Variants in DPYSL5 observed in about 807,000 individuals in gnomAD.
DPYSL5 encodes the protein dihydropyrimidinase-related protein 5.
DPYSL5 carries 9 observed loss-of-function variants against 58.4 expected under a neutral mutation model. That is an observed-to-expected ratio of 0.15 (90% CI 0.09 to 0.27). The LOEUF (loss-of-function observed/expected upper bound fraction) is 0.27. Ranked by LOEUF, DPYSL5 falls within the 10% of genes least tolerant of loss-of-function variation. DPYSL5 has a pLI of 1.00. For synonymous variants in DPYSL5, 293 were observed against 301.9 expected (o/e 0.97, Z 0.31); for missense variants, 499 against 770.6 (o/e 0.65, Z 4.17).
At chr2:26,932,206 A>AG (rs1665046138) in intron 6 of DPYSL5, among the ~76,000 whole-genome samples, 1 of 55,236 alleles carries the variant, frequency 1.8e-5, no homozygotes, top group Non-Finnish European at 4.2e-5. Flanking sequence ...AAAGAAAGAA[A>AG]GAAAAGAAAG....
Position 26,942,839 on chromosome 2 carries a change from C to T in DPYSL5, c.1440+89C>T. The T allele has an allele frequency of 6.8e-7, 1 of 1,460,936 alleles. No individual in the cohort carries two copies. Among genetic ancestry groups the T allele is most frequent in the Non-Finnish European group, 9.4e-7 (1 of 1,063,566 alleles). The allele number at this position is 1,460,936 out of a possible 1,614,324, so 90.5% of individuals were successfully genotyped here. The stretch of plus-strand genomic sequence containing the variant: ...CTGTTTTAAATCTCAAAGAGATGTT[C>T]ACTCCAGTTTTCGACCCAATTCCAT... On this transcript the variant is annotated intron_variant, in intron 11 of 12. Transcript: ENST00000288699. This position sits in a 1 kb window ranked among gnomAD's most constrained non-coding sequence, Gnocchi z 5.9.
At chr2:26,855,957 C>T (rs935573389) in intron 1 of DPYSL5, among the ~76,000 whole-genome samples, 8 of 152,146 alleles carry the variant, frequency 5.3e-5, no homozygotes, top group African/African-American at 1.2e-4. Context: ...TTCCAGCATA[C>T]GTGAAACACT....
At chr2:26,893,379 CT>C (rs1196313262) in intron 1 of DPYSL5, among the ~76,000 whole-genome samples, 1 of 152,190 alleles carries the variant, frequency 6.6e-6, no homozygotes, top group African/African-American at 2.4e-5. Flanking sequence ...TCCCCAAGGC[CT>C]TTTCATCCTG....
chr2:26,941,774 C>A (rs547995668), intron 9 of DPYSL5, among the ~76,000 whole-genome samples, 176 bp from the exon 10 acceptor site: 1 of 152,326 alleles, frequency 6.6e-6, no homozygotes, highest in Admixed American at 6.5e-5. Context: ...AAGTGAGCAA[C>A]TGGGACCCAG....
intron 6 of DPYSL5, 64 bp downstream of exon 6, chr2:26,931,748 C>A (rs1286487859): frequency 3.2e-6 from 5 of 1,570,040 alleles, no homozygotes; most frequent in Non-Finnish European, 4.4e-6. Flanking sequence ...GTGCTGATGT[C>A]TGTAATCCCA....
At chr2:26,862,518 A>G (rs1666039657) in intron 1 of DPYSL5, among the ~76,000 whole-genome samples, 1 of 152,168 alleles carries the variant, frequency 6.6e-6, no homozygotes, top group Non-Finnish European at 1.5e-5. Flanking sequence ...CCCCCAAGCT[A>G]TGATAATCTC....
chr2:26,916,123 A>G (rs1241996449), intron 2 of DPYSL5, among the ~76,000 whole-genome samples: 1 of 152,100 alleles, frequency 6.6e-6, no homozygotes, highest in Admixed American at 6.6e-5. Flanking sequence ...ACCCAAGCAT[A>G]AAACCTCCCC....
intron 1 of DPYSL5, among the ~76,000 whole-genome samples, chr2:26,887,392 G>A (rs1013902126): frequency 2.6e-5 from 4 of 152,224 alleles, no homozygotes; most frequent in East Asian, 1.9e-4. Flanking sequence ...AGGGGCAGCC[G>A]TGCAGGCCAG....
At chr2:26,858,461 G>C (rs1003571746) in intron 1 of DPYSL5, among the ~76,000 whole-genome samples, 1 of 151,778 alleles carries the variant, frequency 6.6e-6, no homozygotes, top group South Asian at 2.1e-4. Flanking sequence ...GTGAGCCACC[G>C]CACCCAGCCC....
At chr2:26,894,831 C>A (rs559949643) in intron 1 of DPYSL5, among the ~76,000 whole-genome samples, 1 of 152,334 alleles carries the variant, frequency 6.6e-6, no homozygotes, top group South Asian at 2.1e-4. Flanking sequence ...ATTTCCAAAG[C>A]AGAGGTCAAG....
chr2:26,865,063 A>C (rs566352918), intron 1 of DPYSL5, among the ~76,000 whole-genome samples: 1 of 152,334 alleles, frequency 6.6e-6, no homozygotes, highest in Admixed American at 6.5e-5. Flanking sequence ...TACAATGATG[A>C]GTTTTGAAAA....
rs1665601711 is a variant in DPYSL5, at chr2:26,950,179, C to T, written c.*3184C>T. The T allele has an allele frequency of 6.6e-6, 1 of 152,256 alleles. No individual in the cohort carries two copies. Among genetic ancestry groups the T allele is most frequent in the Non-Finnish European group, 1.5e-5 (1 of 68,108 alleles). The allele number at this position is 152,256 out of a possible 1,614,324, so 9.4% of individuals were successfully genotyped here. A position where few individuals can be genotyped will look rare whatever the true frequency, so the allele number is the denominator to read the frequency against. Reference sequence around the variant, plus strand: ...CTGGGGTCGGATGGAGCCTCCAGCACCCCAGCACCCAGGTGACTTCCCCAC... The same window carrying T: ...CTGGGGTCGGATGGAGCCTCCAGCATCCCAGCACCCAGGTGACTTCCCCAC... On this transcript the variant is annotated 3_prime_UTR_variant, in exon 13 of 13. Transcript: ENST00000288699. The surrounding 1 kb of genome is among the most constrained non-coding windows in gnomAD (Gnocchi z 5.3).
intron 2 of DPYSL5, among the ~76,000 whole-genome samples, chr2:26,903,055 T>A (rs560208698): frequency 1.3e-5 from 2 of 151,758 alleles, no homozygotes; most frequent in East Asian, 3.9e-4. Context: ...ATTCTTTTAT[T>A]CCTCTACTTT....
intron 1 of DPYSL5, among the ~76,000 whole-genome samples, chr2:26,855,202 G>T (rs1486831827): frequency 1.3e-5 from 2 of 151,462 alleles, no homozygotes; most frequent in Non-Finnish European, 2.9e-5. Context: ...GCCTGAGGCG[G>T]GTGGGTCATA....
At position 26,865,811 on chromosome 2, in the gene DPYSL5, A is replaced by T. The variant is rs190257653; in HGVS notation, c.-5+17557A>T. On this transcript the variant is annotated intron_variant, in intron 1 of 12. Transcript: ENST00000288699. ...TTGTAAGCAATGAATTGGGACATTTACAGAGACCTATGCCAAGTATCAACA... is the reference window on the plus strand; with the variant it reads ...TTGTAAGCAATGAATTGGGACATTTTCAGAGACCTATGCCAAGTATCAACA... 2.3e-3 allele frequency among the ~76,000 whole-genome samples: 353 copies of T among 152,344 alleles called. 1 individual carries two copies. The highest frequency in any genetic ancestry group is 7.8e-3 in the African/African-American group (326 of 41,566).
At chr2:26,916,499 A>G (rs935666899) in intron 2 of DPYSL5, among the ~76,000 whole-genome samples, 24 of 152,212 alleles carry the variant, frequency 1.6e-4, no homozygotes, top group Middle Eastern at 3.4e-3. Context: ...ACCTCCACCC[A>G]CACAAGTTGA....
Position 26,944,844 on chromosome 2 carries a change from GGGA to G in DPYSL5, c.1609+27_1609+29del, listed in dbSNP as rs1396947517. ...TCTCTGGTAAGAGTCAGGGGGCCAC[GGGA>G]GGAGGATGGGGGTCTGGGAGAAGTG... On this transcript the variant is annotated intron_variant, in intron 12 of 12. Transcript: ENST00000288699. This position sits in a 1 kb window ranked among gnomAD's most constrained non-coding sequence, Gnocchi z 4.4. 7.4e-6 allele frequency: 12 copies of G among 1,611,924 alleles called. No individual in the cohort carries two copies. The African/African-American group carries it at 1.3e-4, about 18-fold the overall frequency.
Position 26,856,679 on chromosome 2 carries a change from G to A in DPYSL5, c.-5+8425G>A, listed in dbSNP as rs185771846. ...AGGGATACACACATGTTCTGTTTTAGTAAATTGTGCCAAATGCTAAGATTA... is the reference window on the plus strand; with the variant it reads ...AGGGATACACACATGTTCTGTTTTAATAAATTGTGCCAAATGCTAAGATTA... On this transcript the variant is annotated intron_variant, in intron 1 of 12. Transcript: ENST00000288699. 4.2e-4 allele frequency among the ~76,000 whole-genome samples: 64 copies of A among 151,126 alleles called. 2 individuals carry two copies. In the East Asian group the frequency reaches 0.012, roughly 27 times the overall value.
At chr2:26,891,357 T>A (rs753793097) in intron 1 of DPYSL5, among the ~76,000 whole-genome samples, 16 of 152,172 alleles carry the variant, frequency 1.1e-4, no homozygotes, top group Non-Finnish European at 2.4e-4. Flanking sequence ...ATCCTGGATT[T>A]CCAGGACCAG....
Sources: allele counts gnomAD v4.1 joint callset (sites outside exome capture counted in the v4.1 genomes callset), GRCh38; gene constraint gnomAD v4.1.1; non-coding constraint Gnocchi (gnomAD v3.1); transcripts MANE v1.5; gene names NCBI Gene and HGNC (gene_info 2026-07-23, HGNC 2026-07-21).